The following ZNF831 variants were observed in gnomAD, a reference collection of about 807,000 sequenced individuals.
ZNF831 encodes the protein zinc finger protein 831.
ZNF831 carries 59 observed loss-of-function variants against 95.8 expected under a neutral mutation model. The ratio of observed to expected loss-of-function variants is 0.62; its 90% CI spans 0.50 to 0.77. The LOEUF (loss-of-function observed/expected upper bound fraction) is 0.77. ZNF831 is among the 30% of genes least tolerant of loss of function. The pLI, the probability that ZNF831 is intolerant of heterozygous loss-of-function variation, is 0.00. For missense variants in ZNF831, 2,205 were observed against 2,164.0 expected (o/e 1.02, Z -0.38); for synonymous variants, 961 against 925.5 (o/e 1.04, Z -0.70).
In ZNF831 at chr20:59,255,131, A is replaced by G. The variant is rs1169240182; in HGVS notation, c.*388A>G. ...GCCACCATCAACACATTTCTCCACA[A>G]GTGGACCCCACACAGTCGAGGCAAC... On this transcript the variant is annotated 3_prime_UTR_variant, in exon 6 of 6. Transcript: ENST00000371030. 1.1e-5 allele frequency: 2 copies of G among 183,852 alleles called. No individual in the cohort carries two copies. Among genetic ancestry groups the G allele is most frequent in the Non-Finnish European group, 1.2e-5 (1 of 86,330 alleles). The allele number at this position is 183,852 out of a possible 1,614,324, so 11.4% of individuals were successfully genotyped here.
At position 59,142,451 on chromosome 20, in the gene ZNF831, C is replaced by T. The variant is rs186340459; in HGVS notation, c.-1424-3780C>T. On this transcript the variant is annotated intron_variant, in intron 1 of 7. Coordinates refer to the ZNF831 transcript ENST00000637017. ...ATCTGGTTTGTGTTCTCTTCTTCCCCAATACCCCCTACCCCCACATTTAAG... is the reference window on the plus strand; with the variant it reads ...ATCTGGTTTGTGTTCTCTTCTTCCCTAATACCCCCTACCCCCACATTTAAG... Among the ~76,000 whole-genome samples, 5 of 152,284 alleles carry T rather than the reference C, an allele frequency of 3.3e-5. No homozygotes were observed. In the East Asian group the frequency reaches 9.6e-4, roughly 29 times the overall value.
chr20:59,124,778 G>C (rs767621188), intron 1 of ZNF831, among the ~76,000 whole-genome samples: 3 of 152,228 alleles, frequency 2.0e-5, no homozygotes, highest in African/African-American at 4.8e-5. Flanking sequence ...GGAATAAAAT[G>C]GCTCTTATCG....
At chr20:59,232,993 G>GACACAC (rs1986805781) in intron 4 of ZNF831, among the ~76,000 whole-genome samples, 3 of 97,908 alleles carry the variant, frequency 3.1e-5, no homozygotes. Flanking sequence ...AGGACCCTGA[G>GACACAC]GCACACACAC....
chr20:59,129,400 G>T (rs895643003), intron 1 of ZNF831, among the ~76,000 whole-genome samples: 1 of 152,254 alleles, frequency 6.6e-6, no homozygotes, highest in Middle Eastern at 3.4e-3. Context: ...GCTGAGGCGG[G>T]TGGATCACCT....
intron 1 of ZNF831, among the ~76,000 whole-genome samples, chr20:59,177,343 A>G (rs538668972): frequency 6.6e-6 from 1 of 152,326 alleles, no homozygotes; most frequent in South Asian, 2.1e-4. Flanking sequence ...TTAAAAAAAT[A>G]TTGTTGAGCA....
chr20:59,143,731 A>ACTTTAACTT (rs1378337316), intron 1 of ZNF831, among the ~76,000 whole-genome samples: 3 of 152,176 alleles, frequency 2.0e-5, no homozygotes, highest in Middle Eastern at 3.2e-3. Flanking sequence ...ATCAGTCTGA[A>ACTTTAACTT]CTTTAACTTC....
chr20:59,151,656 C>T (rs534743233), intron 2 of ZNF831, among the ~76,000 whole-genome samples: 10 of 152,290 alleles, frequency 6.6e-5, no homozygotes, highest in South Asian at 2.1e-4. Flanking sequence ...AGCTCCTGGG[C>T]GTGGACTTTC....
At chr20:59,222,624 G>A (rs1233765155) in intron 4 of ZNF831, among the ~76,000 whole-genome samples, 1 of 152,170 alleles carries the variant, frequency 6.6e-6, no homozygotes, top group East Asian at 1.9e-4. Flanking sequence ...TTATTACCCG[G>A]AAGAAAGCGC....
Position 59,192,546 on chromosome 20 carries a change from C to T in ZNF831, c.1527C>T (p.Phe509=), listed in dbSNP as rs746792434. ...VPVTRSNSLP[F]VEGSRTWLEP... is the part of the protein sequence containing the mutation. ...TCACCAGGAGCAACTCGCTGCCCTT[C>T]GTCGAGGGCTCCAGGACGTGGCTGG... Residue 509 remains phenylalanine, a synonymous_variant, in exon 2 of 6, where the codon TTC becomes TTT. Transcript: ENST00000371030. This position sits in a 1 kb window ranked among gnomAD's most constrained non-coding sequence, Gnocchi z 5.2. The T allele has an allele frequency of 2.6e-6, 4 of 1,525,688 alleles. No individual in the cohort carries two copies. The highest frequency in any genetic ancestry group is 4.5e-5 in the East Asian group (2 of 44,044). The allele number at this position is 1,525,688 out of a possible 1,614,324, so 94.5% of individuals were successfully genotyped here.
At chr20:59,158,664 A>G (rs934995343) in intron 2 of ZNF831, among the ~76,000 whole-genome samples, 10 of 152,174 alleles carry the variant, frequency 6.6e-5, no homozygotes, top group African/African-American at 2.4e-4. Flanking sequence ...CCATTTCCCA[A>G]AGGCTGGTAT....
At chr20:59,229,884 C>T (rs1447333678) in intron 4 of ZNF831, among the ~76,000 whole-genome samples, 1 of 152,138 alleles carries the variant, frequency 6.6e-6, no homozygotes, top group Non-Finnish European at 1.5e-5. Context: ...TTCCTCTGTA[C>T]AGCTCATTGT....
chr20:59,198,778 G>C (rs1984308190), intron 3 of ZNF831, among the ~76,000 whole-genome samples: 1 of 152,154 alleles, frequency 6.6e-6, no homozygotes, highest in African/African-American at 2.4e-5. Flanking sequence ...GTTTATCATT[G>C]GTCCTTTTGT....
rs74587370 is a variant in ZNF831 at position 59,134,238 on chromosome 20, C to T, written c.-1425+10733C>T. Among the ~76,000 whole-genome samples, 1,018 of 152,278 alleles carry T rather than the reference C, an allele frequency of 6.7e-3. 71 individuals are homozygous for T. In the East Asian group the frequency reaches 0.15, roughly 23 times the overall value. The stretch of plus-strand genomic sequence containing the variant: ...CTCTCCCTCCCTACCAAAGAGGACT[C>T]GAAGTAGCAGAACCCAGGCCCAAAG... On this transcript the variant is annotated intron_variant, in intron 1 of 7. Coordinates refer to the ZNF831 transcript ENST00000637017.
intron 4 of ZNF831, among the ~76,000 whole-genome samples, chr20:59,250,791 G>T (rs1021658374): frequency 6.6e-6 from 1 of 152,108 alleles, no homozygotes; most frequent in Admixed American, 6.5e-5. Context: ...GAAACTCATT[G>T]GAATATAAAG....
intron 3 of ZNF831, among the ~76,000 whole-genome samples, chr20:59,197,859 G>A (rs1005638646): frequency 2.0e-5 from 3 of 152,134 alleles, no homozygotes; most frequent in Non-Finnish European, 4.4e-5. Context: ...AGCTGCATGC[G>A]GGGCTCTGGG....
intron 1 of ZNF831, among the ~76,000 whole-genome samples, chr20:59,168,500 A>G (rs1981472373): frequency 8.7e-6 from 1 of 114,480 alleles, no homozygotes; most frequent in Admixed American, 1.1e-4. Flanking sequence ...ATTTGTATGT[A>G]GACAATAATC....
chr20:59,171,796 G>A (rs1440057798), intron 1 of ZNF831, among the ~76,000 whole-genome samples: 4 of 152,184 alleles, frequency 2.6e-5, no homozygotes, highest in Non-Finnish European at 5.9e-5. Flanking sequence ...TGATCATGAA[G>A]TTGTAGTTCA....
In ZNF831 at chr20:59,255,021, C is replaced by T; in HGVS notation, c.*278C>T. Reference sequence around the variant, plus strand: ...AAACTCTGCAAATGGTCAACGTGCACAGTGACTGGGCCTTGACTCCCAGCC... The same window carrying T: ...AAACTCTGCAAATGGTCAACGTGCATAGTGACTGGGCCTTGACTCCCAGCC... On this transcript the variant is annotated 3_prime_UTR_variant, in exon 6 of 6. Coordinates refer to ENST00000371030, the MANE Select transcript of ZNF831 (RefSeq NM_178457.3). The T allele has an allele frequency of 2.9e-6, 1 of 339,350 alleles. No homozygotes were observed. Among genetic ancestry groups the T allele is most frequent in the Non-Finnish European group, 5.4e-6 (1 of 184,254 alleles). The allele number at this position is 339,350 out of a possible 1,614,324, so 21.0% of individuals were successfully genotyped here.
chr20:59,170,174 G>A (rs1020601413), intron 1 of ZNF831, among the ~76,000 whole-genome samples: 4 of 152,092 alleles, frequency 2.6e-5, no homozygotes, highest in Non-Finnish European at 4.4e-5. Context: ...CATAGTAGGT[G>A]TATATATTTG....
Sources: gnomAD v4.1 joint callset for allele counts (sites outside exome capture counted in the v4.1 genomes callset) on GRCh38, gnomAD v4.1.1 for gene constraint, Gnocchi (gnomAD v3.1) non-coding constraint, MANE v1.5 for transcripts, NCBI Gene and HGNC (gene_info 2026-07-23, HGNC 2026-07-21) for gene names.